The following PDE4D variants were observed in gnomAD, a reference collection of about 807,000 sequenced individuals.
PDE4D encodes 3',5'-cyclic-AMP phosphodiesterase 4D.
PDE4D carries 24 observed loss-of-function variants against 87.4 expected under a neutral mutation model. The observed-to-expected ratio is 0.27, with a 90% CI of 0.20 to 0.39. The LOEUF is 0.39. Among genes scored for constraint, PDE4D ranks in the 10% least tolerant of loss-of-function variants. PDE4D has a pLI of 1.00. For synonymous variants in PDE4D, 384 were observed against 383.2 expected, an observed-to-expected ratio of 1.00 and a Z score of -0.02; for missense variants, 714 against 1,041.0, an observed-to-expected ratio of 0.69 and a Z score of 4.32.
At chr5:59,040,837 A>G (rs980847270) in intron 5 of PDE4D, among the ~76,000 whole-genome samples, 3 of 152,230 alleles carry the variant, frequency 2.0e-5, no homozygotes, top group African/African-American at 7.2e-5. Context: ...TTTAGACTCC[A>G]TAAATTAACA....
At chr5:60,039,385 T>A in intron 2 of PDE4D, among the ~76,000 whole-genome samples, 1 of 138,760 alleles carries the variant, frequency 7.2e-6, no homozygotes, top group African/African-American at 2.7e-5. Context: ...AATTGAACAA[T>A]GAGAACACAT....
At chr5:60,167,510 C>T (rs141506458) in intron 2 of PDE4D, among the ~76,000 whole-genome samples, 5 of 152,034 alleles carry the variant, frequency 3.3e-5, no homozygotes, top group East Asian at 1.9e-4. Context: ...CCTCGTGATC[C>T]GCCCGCCTCG....
chr5:59,749,568 CAGTT>C (rs1189089693), intron 1 of PDE4D, among the ~76,000 whole-genome samples: 1 of 152,132 alleles, frequency 6.6e-6, no homozygotes, highest in Non-Finnish European at 1.5e-5. Context: ...TCTCCTGAAA[CAGTT>C]TGTTCATTTG....
intron 1 of PDE4D, among the ~76,000 whole-genome samples, chr5:59,686,649 C>T (rs1014916418): frequency 6.6e-6 from 1 of 152,144 alleles, no homozygotes; most frequent in African/African-American, 2.4e-5. Context: ...AGAAATGTCA[C>T]TGATATTTAA....
rs921497001 is a variant in PDE4D at position 59,127,114 on chromosome 5, T to C, written c.808+53481A>G. Reference sequence around the variant, plus strand: ...AGCTGAAATCACAACATGCCTGCAGTGTTCCCTTCCTAAACCAACTTTGCC... The same window carrying C: ...AGCTGAAATCACAACATGCCTGCAGCGTTCCCTTCCTAAACCAACTTTGCC... On this transcript the variant is annotated intron_variant, in intron 5 of 14. Transcript: ENST00000340635. Among the ~76,000 whole-genome samples, 58 of 152,332 alleles carry C rather than the reference T, an allele frequency of 3.8e-4. No individual in the cohort carries two copies. The South Asian group carries it at 5.6e-3, about 15-fold the overall frequency.
At chr5:59,115,081 T>C (rs891148462) in intron 5 of PDE4D, among the ~76,000 whole-genome samples, 3 of 144,564 alleles carry the variant, frequency 2.1e-5, no homozygotes, top group African/African-American at 7.7e-5. Flanking sequence ...GAAGGGGCGA[T>C]AGATGGAGCA....
chr5:60,452,839 T>C (rs1746200202), intron 1 of PDE4D, among the ~76,000 whole-genome samples: 1 of 152,220 alleles, frequency 6.6e-6, no homozygotes, highest in South Asian at 2.1e-4. Flanking sequence ...AGCATCTTCA[T>C]GTTTTCATTC....
At chr5:59,378,813 G>A (rs993239484) in intron 1 of PDE4D, among the ~76,000 whole-genome samples, 1 of 152,036 alleles carries the variant, frequency 6.6e-6, no homozygotes, top group African/African-American at 2.4e-5. Context: ...CATTCTTAAG[G>A]AATTCTTTGC....
At chr5:60,016,932 G>T (rs768647557) in intron 2 of PDE4D, among the ~76,000 whole-genome samples, 14 of 152,038 alleles carry the variant, frequency 9.2e-5, no homozygotes, top group Non-Finnish European at 1.2e-4. Context: ...AATTTACTTT[G>T]CCCAGATCCT....
chr5:60,314,574 A>G (rs991831019), intron 1 of PDE4D, among the ~76,000 whole-genome samples: 3 of 152,048 alleles, frequency 2.0e-5, no homozygotes, highest in South Asian at 2.1e-4. Context: ...CCATGTTGGT[A>G]TGCTGCATCC....
intron 1 of PDE4D, among the ~76,000 whole-genome samples, chr5:59,640,653 C>G (rs1325749955): frequency 6.6e-6 from 1 of 152,184 alleles, no homozygotes; most frequent in Non-Finnish European, 1.5e-5. Flanking sequence ...CACTTGGCAG[C>G]TTCTTCCAGT....
At chr5:59,567,301 C>G (rs1821105637) in intron 1 of PDE4D, among the ~76,000 whole-genome samples, 4 of 152,120 alleles carry the variant, frequency 2.6e-5, no homozygotes. Flanking sequence ...AAGGTGGAAA[C>G]TACAAGTTAC....
chr5:59,505,883 T>C (rs971032949), intron 1 of PDE4D, among the ~76,000 whole-genome samples: 7 of 152,184 alleles, frequency 4.6e-5, no homozygotes, highest in African/African-American at 2.4e-5. Flanking sequence ...ATATCTGTCA[T>C]AGCTCATAGA....
Position 58,975,087 on chromosome 5 carries a change from A to C in PDE4D, c.2014-7T>G. 6.8e-7 allele frequency: 1 copy of C among 1,462,920 alleles called. No homozygotes were observed. Among genetic ancestry groups the C allele is most frequent in the Non-Finnish European group, 9.1e-7 (1 of 1,100,000 alleles). 90.6% of individuals were successfully genotyped at this position (1,462,920 alleles called of 1,614,324 possible). A position where few individuals can be genotyped will look rare whatever the true frequency, so the allele number is the denominator to read the frequency against. ...TATAGTCTATGAAGCCCACCTAGTT[A>C]AGAAAAAAATCCAGTATGAGTAGAG... On this transcript the variant is annotated splice_region_variant and splice_polypyrimidine_tract_variant and intron_variant, in intron 14 of 14. Coordinates refer to ENST00000340635, the MANE Select transcript of PDE4D (RefSeq NM_001104631.2). This position sits in a 1 kb window ranked among gnomAD's most constrained non-coding sequence, Gnocchi z 4.2.
At chr5:59,492,277 G>A (rs1210990179) in intron 1 of PDE4D, among the ~76,000 whole-genome samples, 3 of 152,138 alleles carry the variant, frequency 2.0e-5, no homozygotes, top group Non-Finnish European at 4.4e-5. Context: ...GACAATAAAT[G>A]ATGTAGAACA....
intron 1 of PDE4D, among the ~76,000 whole-genome samples, chr5:59,369,298 A>G (rs758210846): frequency 6.6e-6 from 1 of 152,150 alleles, no homozygotes; most frequent in African/African-American, 2.4e-5. Context: ...AAAAAGACTA[A>G]CGCCTCCCAA....
At chr5:59,225,625 A>G (rs867283205) in intron 1 of PDE4D, among the ~76,000 whole-genome samples, 2 of 152,112 alleles carry the variant, frequency 1.3e-5, no homozygotes, top group African/African-American at 4.8e-5. Flanking sequence ...AGCATAAGCA[A>G]AAAAAGCAAA....
intron 1 of PDE4D, among the ~76,000 whole-genome samples, chr5:60,473,084 G>A (rs1747936641): frequency 7.6e-6 from 1 of 131,570 alleles, no homozygotes; most frequent in African/African-American, 3.2e-5. Context: ...GAGACAGAGA[G>A]AGAGAGATGA....
In PDE4D at chr5:59,668,558, CAAT is replaced by C. The variant is rs551696361; in HGVS notation, c.455+224607_455+224609del. 4.6e-5 allele frequency among the ~76,000 whole-genome samples: 7 copies of C among 151,750 alleles called. No individual in the cohort carries two copies. The South Asian group carries it at 1.2e-3, about 27-fold the overall frequency. On this transcript the variant is annotated intron_variant, in intron 1 of 14. Coordinates refer to ENST00000340635, the MANE Select transcript of PDE4D (RefSeq NM_001104631.2). ...GATCTTTTCTCTACAAAATTTAAAACAATAGCTAGACATGGTGGCCCATGCCTG... is the reference window on the plus strand; with the variant it reads ...GATCTTTTCTCTACAAAATTTAAAACAGCTAGACATGGTGGCCCATGCCTG...
Sources: gnomAD v4.1 joint callset for allele counts (sites outside exome capture counted in the v4.1 genomes callset) on GRCh38, gnomAD v4.1.1 for gene constraint, Gnocchi (gnomAD v3.1) non-coding constraint, MANE v1.5 for transcripts, NCBI Gene and HGNC (gene_info 2026-07-23, HGNC 2026-07-21) for gene names.